Variants in NUCKS1 observed in about 807,000 individuals in gnomAD.
NUCKS1 encodes the protein nuclear ubiquitous casein and cyclin-dependent kinase substrate 1.
In NUCKS1, 2 loss-of-function variants were observed where a neutral mutation model predicts 33.0. The ratio of observed to expected loss-of-function variants is 0.06; its 90% CI spans 0.02 to 0.19. NUCKS1 has a LOEUF of 0.19. NUCKS1 is among the 10% of genes least tolerant of loss of function. NUCKS1 has a pLI of 1.00. For synonymous variants in NUCKS1, 106 were observed against 102.8 expected (o/e 1.03, Z -0.19); for missense variants, 201 against 293.6 (o/e 0.68, Z 2.31).
intron 1 of NUCKS1, 120 bp downstream of exon 1, chr1:205,749,837 A>C (rs2102454205): frequency 8.3e-6 from 9 of 1,078,388 alleles, no homozygotes; most frequent in African/African-American, 5.0e-5. Flanking sequence ...CGGGCCCCGA[A>C]AGGGAGGAGG....
intron 1 of NUCKS1, among the ~76,000 whole-genome samples, chr1:205,749,113 A>G (rs758817620): frequency 2.0e-5 from 3 of 152,224 alleles, no homozygotes; most frequent in East Asian, 1.9e-4. Context: ...AAATATCCCG[A>G]GACGCGTACG....
chr1:205,726,049 A>G (rs1653767035), intron 3 of NUCKS1, among the ~76,000 whole-genome samples: 1 of 152,100 alleles, frequency 6.6e-6, no homozygotes, highest in South Asian at 2.1e-4. Flanking sequence ...AAATACAAAA[A>G]TTAGCCAGGT....
At position 205,714,562 on chromosome 1, in the gene NUCKS1, CCAGA is replaced by C. The variant is rs780259746; in HGVS notation, c.*3714_*3717del. On this transcript the variant is annotated 3_prime_UTR_variant, in exon 7 of 7. Coordinates refer to ENST00000367142, the MANE Select transcript of NUCKS1 (RefSeq NM_022731.5). ...AGAATCATTTTGTATCGAATTTACC[CCAGA>C]CAAAGGGAAAACTGGTTGCGACTGA... is the stretch of plus-strand genomic sequence containing the variant. 16 of 152,124 alleles carry C rather than the reference CCAGA, an allele frequency of 1.1e-4. No individual in the cohort carries two copies. Among genetic ancestry groups the C allele is most frequent in the South Asian group, 6.2e-4 (3 of 4,818 alleles). 9.4% of individuals were successfully genotyped at this position (152,124 alleles called of 1,614,324 possible).
In NUCKS1 at chr1:205,749,962, A is replaced by G; in HGVS notation, c.12T>C (p.Pro4=). The G allele has an allele frequency of 2.5e-6, 4 of 1,581,780 alleles. No individual in the cohort carries two copies. The highest frequency in any genetic ancestry group is 3.4e-6 in the Non-Finnish European group (4 of 1,162,644). The part of the protein sequence containing the change: MSR[P]VRNRKVVDYS... ...GCCTCAGACTCCGCACTGACCTGAC[A>G]GGCCGCGACATGTTCGCTGTCGAAA... The change falls in exon 1 of 7, where the codon CCT becomes CCC. Residue 4 remains proline, a synonymous_variant. Coordinates refer to ENST00000367142, the MANE Select transcript of NUCKS1 (RefSeq NM_022731.5).
At chr1:205,748,738 C>T (rs964914796) in intron 1 of NUCKS1, among the ~76,000 whole-genome samples, 5 of 152,186 alleles carry the variant, frequency 3.3e-5, no homozygotes, top group African/African-American at 1.2e-4. Flanking sequence ...CTTTAGAACT[C>T]TAATTAAAGG....
chr1:205,734,894 CA>C (rs995078664), intron 1 of NUCKS1, among the ~76,000 whole-genome samples: 4 of 147,510 alleles, frequency 2.7e-5, no homozygotes, highest in Non-Finnish European at 3.0e-5. Context: ...GACTCCATCT[CA>C]AAAAAAAAAT....
chr1:205,724,503 G>C (rs992704240), intron 3 of NUCKS1, among the ~76,000 whole-genome samples: 1 of 152,154 alleles, frequency 6.6e-6, no homozygotes, highest in Non-Finnish European at 1.5e-5. Flanking sequence ...AGACCAGCCT[G>C]GCTAACATGG....
chr1:205,729,512 T>TG (rs1653857409), intron 2 of NUCKS1, 60 bp downstream of exon 2: 8 of 1,090,548 alleles, frequency 7.3e-6, no homozygotes, highest in Non-Finnish European at 1.1e-5. Flanking sequence ...TAAAACTATA[T>TG]AAGCTGGTAA....
rs376990276 is a variant in NUCKS1, at chr1:205,749,990, G to C, written c.-17C>G. On this transcript the variant is annotated 5_prime_UTR_variant, in exon 1 of 7. Transcript: ENST00000367142. ...CCGCGACATGTTCGCTGTCGAAACA[G>C]GACCGAGTCGAGAAGCCAAAGACCA... is the stretch of plus-strand genomic sequence containing the variant. 4.6e-5 allele frequency: 73 copies of C among 1,598,742 alleles called. No individual in the cohort carries two copies. The highest frequency in any genetic ancestry group is 6.1e-5 in the Non-Finnish European group (71 of 1,171,524).
chr1:205,725,411 A>T (rs573633298), intron 3 of NUCKS1, among the ~76,000 whole-genome samples: 4 of 152,230 alleles, frequency 2.6e-5, no homozygotes, highest in African/African-American at 9.6e-5. Flanking sequence ...TACTGAACCC[A>T]TGATTCCTAA....
chr1:205,743,853 GC>G (rs1654243895), intron 1 of NUCKS1, among the ~76,000 whole-genome samples: 1 of 152,168 alleles, frequency 6.6e-6, no homozygotes, highest in African/African-American at 2.4e-5. Context: ...GTTTCAGTTA[GC>G]TAATTGTCTG....
At chr1:205,742,425 T>A (rs978657726) in intron 1 of NUCKS1, among the ~76,000 whole-genome samples, 1 of 152,218 alleles carries the variant, frequency 6.6e-6, no homozygotes, top group African/African-American at 2.4e-5. Flanking sequence ...TATAACTGTA[T>A]AACGATTAGT....
intron 1 of NUCKS1, among the ~76,000 whole-genome samples, chr1:205,749,224 GGAGA>G (rs1221209454): frequency 2.6e-5 from 4 of 152,202 alleles, no homozygotes; most frequent in African/African-American, 9.7e-5. Flanking sequence ...ATTTCTAGTC[GGAGA>G]GAAAGAGCGA....
chr1:205,749,554 G>T (rs890367270), intron 1 of NUCKS1, among the ~76,000 whole-genome samples: 2 of 151,922 alleles, frequency 1.3e-5, no homozygotes, highest in African/African-American at 4.8e-5. Flanking sequence ...GCTGAAGGTG[G>T]GGAGTGGAGC....
chr1:205,741,228 A>C (rs1423550173), intron 1 of NUCKS1, among the ~76,000 whole-genome samples: 1 of 133,250 alleles, frequency 7.5e-6, no homozygotes, highest in Admixed American at 8.9e-5. Context: ...TGAACCCGGG[A>C]GGCGGAGCTT....
Position 205,749,942 on chromosome 1 carries a change from A to T in NUCKS1, c.17+15T>A, listed in dbSNP as rs745389186. 2 of 1,585,990 alleles carry T rather than the reference A, an allele frequency of 1.3e-6. No homozygotes were observed. Among genetic ancestry groups the T allele is most frequent in the Non-Finnish European group, 1.7e-6 (2 of 1,166,326 alleles). On this transcript the variant is annotated intron_variant, in intron 1 of 6. Coordinates refer to ENST00000367142, the MANE Select transcript of NUCKS1 (RefSeq NM_022731.5). ...CCCCCTCCAACCCGCTCCAGGCCTC[A>T]GACTCCGCACTGACCTGACAGGCCG... is the stretch of plus-strand genomic sequence containing the variant.
At chr1:205,743,222 T>TA (rs1654225186) in intron 1 of NUCKS1, among the ~76,000 whole-genome samples, 1 of 152,212 alleles carries the variant, frequency 6.6e-6, no homozygotes, top group African/African-American at 2.4e-5. Context: ...TATTCAAAAT[T>TA]AGCTTTCTTT....
Position 205,716,673 on chromosome 1 carries a change from C to G in NUCKS1, c.*1607G>C, listed in dbSNP as rs1163759422. On this transcript the variant is annotated 3_prime_UTR_variant, in exon 7 of 7. Coordinates refer to ENST00000367142, the MANE Select transcript of NUCKS1 (RefSeq NM_022731.5). Reference sequence around the variant, plus strand: ...AAAGTAGGATATTGAGGAAGCAAATCTAGATTAAAAGGCAGGAAAAAAAGG... The same window carrying G: ...AAAGTAGGATATTGAGGAAGCAAATGTAGATTAAAAGGCAGGAAAAAAAGG... 6.6e-6 allele frequency: 1 copy of G among 152,098 alleles called. No homozygotes were observed. The highest frequency in any genetic ancestry group is 2.4e-5 in the African/African-American group (1 of 41,420). The allele number at this position is 152,098 out of a possible 1,614,324, so 9.4% of individuals were successfully genotyped here. A position where few individuals can be genotyped will look rare whatever the true frequency, so the allele number is the denominator to read the frequency against.
At chr1:205,735,315 C>A (rs34475688) in intron 1 of NUCKS1, among the ~76,000 whole-genome samples, 1,684 of 152,268 alleles carry the variant, frequency 0.011, 21 homozygotes, top group Middle Eastern at 0.041. Flanking sequence ...ACATGCTATA[C>A]ATGTTTGTAG....
Sources: gnomAD v4.1 joint callset for allele counts (sites outside exome capture counted in the v4.1 genomes callset) on GRCh38, gnomAD v4.1.1 for gene constraint, MANE v1.5 for transcripts, NCBI Gene and HGNC (gene_info 2026-07-23, HGNC 2026-07-21) for gene names.